The following CUL5 variants were observed in gnomAD, a reference collection of about 807,000 sequenced individuals.
CUL5 encodes cullin-5.
A neutral mutation model predicts 108.8 loss-of-function variants in CUL5; 26 were observed. That is an observed-to-expected ratio of 0.24 (90% CI 0.18 to 0.33). The LOEUF (loss-of-function observed/expected upper bound fraction) is 0.33, where lower values mean the gene tolerates loss of function less well. Among genes scored for constraint, CUL5 ranks in the 10% least tolerant of loss-of-function variants. The pLI, the probability that CUL5 is intolerant of heterozygous loss-of-function variation, is 1.00. For synonymous variants in CUL5, 334 were observed against 298.0 expected, an observed-to-expected ratio of 1.12 and a Z score of -1.25; for missense variants, 524 against 909.2, an observed-to-expected ratio of 0.58 and a Z score of 5.45.
chr11:108,019,638 A>G (rs927396947), intron 1 of CUL5, among the ~76,000 whole-genome samples: 1 of 152,194 alleles, frequency 6.6e-6, no homozygotes, highest in African/African-American at 2.4e-5. Context: ...GCTGGTGTAC[A>G]TAAAACTATT....
rs1864834882 is a variant in CUL5 at position 108,107,749 on chromosome 11, A to G, written c.*3365A>G. The G allele has an allele frequency of 6.6e-6, 1 of 152,474 alleles. No homozygotes were observed. 9.4% of individuals were successfully genotyped at this position (152,474 alleles called of 1,614,324 possible). On this transcript the variant is annotated 3_prime_UTR_variant, in exon 19 of 19. Transcript: ENST00000393094. ...TAATTTATTTTCTTGCAAAATAAAA[A>G]TGTAATATAAAAGCTTTTACCTATC...
Position 108,078,596 on chromosome 11 carries a change from A to T in CUL5, c.1178+356A>T, listed in dbSNP as rs1863995934. Among the ~76,000 whole-genome samples, 3 of 152,236 alleles carry T rather than the reference A, an allele frequency of 2.0e-5. No homozygotes were observed. In the South Asian group the frequency reaches 6.2e-4, roughly 32 times the overall value. On this transcript the variant is annotated intron_variant, in intron 11 of 18. Coordinates refer to ENST00000393094, the MANE Select transcript of CUL5 (RefSeq NM_003478.6). ...CAGTTTAAATGTAAATTTTCCTATT[A>T]CCGTTTTAAAAAATTGTTCTATAAT...
intron 2 of CUL5, among the ~76,000 whole-genome samples, chr11:108,034,335 G>T (rs537781867): frequency 1.3e-5 from 2 of 152,234 alleles, no homozygotes; most frequent in South Asian, 2.1e-4. Flanking sequence ...GATTTTTATG[G>T]GGGCTGGTCA....
At chr11:108,079,779 T>C (rs1864027994) in intron 11 of CUL5, among the ~76,000 whole-genome samples, 1 of 152,218 alleles carries the variant, frequency 6.6e-6, no homozygotes, top group South Asian at 2.1e-4. Flanking sequence ...TCTGCTGTCC[T>C]GATTAATTCC....
At chr11:108,071,406 C>T (rs558458631) in intron 8 of CUL5, among the ~76,000 whole-genome samples, 8 of 151,856 alleles carry the variant, frequency 5.3e-5, no homozygotes, top group Admixed American at 3.3e-4. Context: ...GGGACTACAG[C>T]CGTGTACCAC....
rs1320942810 is a variant in CUL5, at chr11:108,050,052, A to G, written c.397A>G (p.Ser133Gly). Reference sequence around the variant, plus strand: ...CAATAAAAAATCAAATGTGGAAGACAGTATTGTTCGAAAGGTAAGACTATT... The same window carrying G: ...CAATAAAAAATCAAATGTGGAAGACGGTATTGTTCGAAAGGTAAGACTATT... The part of the protein sequence containing the change: ...GSNKKSNVED[S>G]IVRKLMLDTW... Residue 133 changes from serine to glycine, a missense_variant, in exon 4 of 19, where the codon AGT becomes GGT. Physicochemically the swap from Ser to Gly is moderately conservative, Grantham distance 56. This residue lies in a region of CUL5 where 170 missense variants were observed against 305.1 expected (regional missense o/e 0.56). Transcript: ENST00000393094. 3 of 1,603,828 alleles carry G rather than the reference A, an allele frequency of 1.9e-6. No homozygotes were observed. The South Asian group carries it at 3.4e-5, about 18-fold the overall frequency.
At chr11:108,095,214 T>C (rs538584012) in intron 15 of CUL5, among the ~76,000 whole-genome samples, 7 of 152,282 alleles carry the variant, frequency 4.6e-5, no homozygotes, top group African/African-American at 1.7e-4. Context: ...CCCAACTATC[T>C]CAGTATTCCT....
At chr11:108,019,733 CTAATAA>C (rs200618012) in intron 1 of CUL5, among the ~76,000 whole-genome samples, 16 of 151,920 alleles carry the variant, frequency 1.1e-4, no homozygotes, top group Non-Finnish European at 2.4e-4. Flanking sequence ...AATTATTATC[CTAATAA>C]TAATAAGTGA....
At chr11:108,059,472 A>G (rs1165790836) in intron 7 of CUL5, among the ~76,000 whole-genome samples, 1 of 152,214 alleles carries the variant, frequency 6.6e-6, no homozygotes, top group Non-Finnish European at 1.5e-5. Context: ...TACAGTGGTT[A>G]GGGTCATACA....
intron 1 of CUL5, among the ~76,000 whole-genome samples, chr11:108,028,447 C>T (rs1393024479): frequency 6.6e-6 from 1 of 152,190 alleles, no homozygotes; most frequent in Non-Finnish European, 1.5e-5. Flanking sequence ...TCCAAGTCAC[C>T]ATCAGTGCTT....
Position 108,052,818 on chromosome 11 carries a change from T to C in CUL5, c.553+17T>C, listed in dbSNP as rs1451269400. 1 of 1,588,476 alleles carries C rather than the reference T, an allele frequency of 6.3e-7. No homozygotes were observed. Among genetic ancestry groups the C allele is most frequent in the Admixed American group, 1.8e-5 (1 of 55,628 alleles). On this transcript the variant is annotated intron_variant, in intron 5 of 18. Transcript: ENST00000393094. ...AATCCTATGGTATGTTCTGAACTTT[T>C]ATGATCATAATTTCTGTTTCATGGA...
At chr11:108,089,813 G>A (rs1864307442) in intron 13 of CUL5, among the ~76,000 whole-genome samples, 190 bp downstream of exon 13, 2 of 152,102 alleles carry the variant, frequency 1.3e-5, no homozygotes, top group Admixed American at 1.3e-4. Flanking sequence ...GCCGAGGCAG[G>A]TGGATCACCT....
intron 5 of CUL5, among the ~76,000 whole-genome samples, chr11:108,053,157 A>G (rs1202902953): frequency 6.6e-6 from 1 of 152,214 alleles, no homozygotes; most frequent in African/African-American, 2.4e-5. Context: ...GAGAGCATGT[A>G]GGAGTACATT....
At chr11:108,074,406 G>A (rs1046085319) in intron 10 of CUL5, among the ~76,000 whole-genome samples, 6 of 151,582 alleles carry the variant, frequency 4.0e-5, no homozygotes, top group African/African-American at 1.5e-4. Context: ...TGTTGGCCAG[G>A]CTGGTCTCGA....
chr11:108,086,289 C>T (rs1864221549), intron 11 of CUL5, among the ~76,000 whole-genome samples: 1 of 152,138 alleles, frequency 6.6e-6, no homozygotes, highest in African/African-American at 2.4e-5. Flanking sequence ...GGAAAAATAA[C>T]ACACTACCTT....
chr11:108,070,259 A>G (rs1022531257), intron 8 of CUL5, 70 bp downstream of exon 8: 1 of 1,084,506 alleles, frequency 9.2e-7, no homozygotes, highest in Non-Finnish European at 1.4e-6. Flanking sequence ...TCACTTACTA[A>G]GTTGCTCTTA....
At chr11:108,096,493 T>A (rs1864500263) in intron 16 of CUL5, among the ~76,000 whole-genome samples, 1 of 151,772 alleles carries the variant, frequency 6.6e-6, no homozygotes, top group Non-Finnish European at 1.5e-5. Flanking sequence ...TCAAAAATTT[T>A]TTTTTTTAAA....
At chr11:108,097,236 A>T (rs1302778652) in intron 16 of CUL5, among the ~76,000 whole-genome samples, 1 of 152,164 alleles carries the variant, frequency 6.6e-6, no homozygotes, top group Non-Finnish European at 1.5e-5. Context: ...GGCTGGTTTC[A>T]GACTCCTGAG....
chr11:108,057,083 A>G (rs866070514), intron 7 of CUL5, among the ~76,000 whole-genome samples: 1 of 152,182 alleles, frequency 6.6e-6, no homozygotes, highest in African/African-American at 2.4e-5. Flanking sequence ...TGCAATTTGT[A>G]TGTTAGTCAT....
Sources: gnomAD v4.1 joint callset for allele counts (sites outside exome capture counted in the v4.1 genomes callset) on GRCh38, gnomAD v4.1.1 for gene constraint, gnomAD v4.1.1 regional missense constraint, MANE v1.5 for transcripts, NCBI Gene and HGNC (gene_info 2026-07-23, HGNC 2026-07-21) for gene names.